The following SHD variants were observed in gnomAD, a reference collection of about 807,000 sequenced individuals.
SHD encodes SH2 domain-containing adapter protein D.
A neutral mutation model predicts 31.2 loss-of-function variants in SHD; 29 were observed. The observed-to-expected ratio is 0.93, with a 90% CI of 0.69 to 1.27. The LOEUF (loss-of-function observed/expected upper bound fraction) is 1.27, where lower values mean the gene tolerates loss of function less well. Ranked by LOEUF, SHD falls within the 50% of genes most tolerant of loss-of-function variation. The pLI is 0.00. For synonymous variants in SHD, 208 were observed against 187.8 expected, an observed-to-expected ratio of 1.11 and a Z score of -0.88; for missense variants, 520 against 453.8, an observed-to-expected ratio of 1.15 and a Z score of -1.33.
chr19:4,286,967 T>A (rs549475167), intron 4 of SHD, among the ~76,000 whole-genome samples: 2 of 151,266 alleles, frequency 1.3e-5, no homozygotes, highest in East Asian at 3.9e-4. Context: ...AAGCAGCGGA[T>A]AACCTGAGGT....
At chr19:4,287,884 GTGTTTTTTTGTT>G (rs975080027) in intron 4 of SHD, among the ~76,000 whole-genome samples, 1 of 129,128 alleles carries the variant, frequency 7.7e-6, no homozygotes, top group African/African-American at 3.3e-5. Context: ...ATCCCAGAGT[GTGTTTTTTTGTT>G]TGTTTGTTTG....
chr19:4,286,261 C>CTT (rs1971313931), intron 4 of SHD, among the ~76,000 whole-genome samples: 1 of 99,166 alleles, frequency 1.0e-5, no homozygotes, highest in Non-Finnish European at 2.3e-5. Flanking sequence ...CTTTCTTTCT[C>CTT]TCTTTCTTTC....
intron 1 of SHD, 49 bp downstream of exon 1, chr19:4,280,409 A>G (rs1263463404): frequency 6.6e-7 from 1 of 1,508,602 alleles, no homozygotes; most frequent in East Asian, 2.5e-5. Context: ...GAGGCTCAGG[A>G]TGGGCTCTCT....
intron 5 of SHD, among the ~76,000 whole-genome samples, chr19:4,289,196 T>C (rs1337403978): frequency 1.6e-4 from 23 of 141,264 alleles, no homozygotes; most frequent in African/African-American, 5.3e-4. Context: ...CTGCAAGCTC[T>C]GCCTCCCGGG....
intron 4 of SHD, among the ~76,000 whole-genome samples, chr19:4,287,986 C>T (rs1971337982): frequency 6.6e-6 from 1 of 151,818 alleles, no homozygotes; most frequent in Non-Finnish European, 1.5e-5. Flanking sequence ...CTCACAACTT[C>T]CACCTCCCTG....
chr19:4,288,096 G>A, intron 4 of SHD, 147 bp from the exon 5 acceptor site: 2 of 859,654 alleles, frequency 2.3e-6, no homozygotes, highest in South Asian at 2.5e-5. Flanking sequence ...GTAGAAACGG[G>A]GTTTCACCAT....
Position 4,284,785 on chromosome 19 carries a change from G to GT in SHD, c.600dup (p.Asp201Ter), listed in dbSNP as rs758363050. On this transcript the variant is annotated frameshift_variant, in exon 4 of 6. Transcript: ENST00000543264. LOFTEE classifies it high-confidence loss of function. ...CTCTCTAAATCTCCTTTCCAGTGCA[G>GT]TTTGACAGTCCAGAGTGGGAGAGGA... 1.9e-6 allele frequency: 3 copies of GT among 1,602,012 alleles called. No homozygotes were observed. Among genetic ancestry groups the GT allele is most frequent in the Middle Eastern group, 1.7e-4 (1 of 6,000 alleles).
chr19:4,280,473 G>A, intron 1 of SHD, 113 bp downstream of exon 1: 2 of 1,194,462 alleles, frequency 1.7e-6, no homozygotes, highest in Non-Finnish European at 2.3e-6. Context: ...TGGGGCACCA[G>A]ACAGACCCTT....
rs745597869 is a variant in SHD at position 4,290,610 on chromosome 19, C to A, written c.1000C>A (p.Pro334Thr). ...QGAEHLALLY[P>T]VVTQTP ...TGCCGAGCATCTGGCTCTGCTGTAC[C>A]CCGTGGTCACGCAGACCCCCTGACA... is the stretch of plus-strand genomic sequence containing the variant. Residue 334 changes from proline (P) to threonine (T), a missense_variant, in exon 6 of 6, where the codon CCC becomes ACC. Coordinates refer to ENST00000543264, the MANE Select transcript of SHD (RefSeq NM_020209.4). The A allele has an allele frequency of 3.1e-6, 5 of 1,610,786 alleles. No homozygotes were observed. The highest frequency in any genetic ancestry group is 4.2e-6 in the Non-Finnish European group (5 of 1,178,192).
At position 4,280,216 on chromosome 19, in the gene SHD, C is replaced by A; in HGVS notation, c.153C>A (p.Ser51Arg). Reference sequence around the variant, plus strand: ...AGGACCCCTATGAGGACGCGGAGAGCCGCTTGGAGCCGGACCCCGCGGGCC... The same window carrying A: ...AGGACCCCTATGAGGACGCGGAGAGACGCTTGGAGCCGGACCCCGCGGGCC... ...DFEDPYEDAE[S>R]RLEPDPAGPG... The change falls in exon 1 of 6, where the codon AGC (serine) becomes AGA (arginine). Residue 51 changes from serine (S) to arginine (R), a missense_variant. Physicochemically the swap from Ser to Arg is moderately radical, Grantham distance 110. Transcript: ENST00000543264. 2 of 1,613,918 alleles carry A rather than the reference C, an allele frequency of 1.2e-6. No homozygotes were observed. Among genetic ancestry groups the A allele is most frequent in the Non-Finnish European group, 1.7e-6 (2 of 1,180,018 alleles).
At position 4,280,250 on chromosome 19, in the gene SHD, T is replaced by C; in HGVS notation, c.187T>C (p.Ser63Pro). 1 of 1,613,656 alleles carries C rather than the reference T, an allele frequency of 6.2e-7. No homozygotes were observed. The highest frequency in any genetic ancestry group is 8.5e-7 in the Non-Finnish European group (1 of 1,179,954). Residue 63 changes from serine (S) to proline (P), a missense_variant, in exon 1 of 6, where the codon TCC (serine) becomes CCC (proline). By Grantham distance (74) the Ser-to-Pro change is moderately conservative (BLOSUM62 -1). Transcript: ENST00000543264. ...LEPDPAGPGD[S>P]KNPGDAKYGS... is the part of the protein sequence containing the mutation. ...GCCGGACCCCGCGGGCCCTGGGGAC[T>C]CCAAGAACCCCGGAGATGCCAAGTA...
rs533174979 is a variant in SHD at position 4,280,034 on chromosome 19, A to C, written c.-30A>C. ...AAGGGCATGTGGGGGCCCCTCTGAC[A>C]GTGGCCCGATTGGGGTGACAGGCGC... is the stretch of plus-strand genomic sequence containing the variant. On this transcript the variant is annotated 5_prime_UTR_variant, in exon 1 of 6. Transcript: ENST00000543264. The C allele has an allele frequency of 9.0e-6, 14 of 1,562,406 alleles. No individual in the cohort carries two copies. In the African/African-American group the frequency reaches 1.2e-4, roughly 14 times the overall value.
intron 5 of SHD, among the ~76,000 whole-genome samples, chr19:4,289,321 C>T (rs1253402275): frequency 2.7e-5 from 4 of 150,608 alleles, no homozygotes; most frequent in Non-Finnish European, 5.9e-5. Flanking sequence ...CTGTGTTAGC[C>T]AGGATGGTCT....
chr19:4,285,112 T>C (rs1050486630), intron 4 of SHD, among the ~76,000 whole-genome samples: 5 of 152,120 alleles, frequency 3.3e-5, no homozygotes, highest in Non-Finnish European at 7.4e-5. Context: ...TCTTATGGGG[T>C]CCCTTTTCCT....
Position 4,279,881 on chromosome 19 carries a change from T to C in SHD, c.-183T>C, listed in dbSNP as rs1971238325. On this transcript the variant is annotated 5_prime_UTR_variant, in exon 1 of 6. Transcript: ENST00000543264. The surrounding 1 kb of genome is among the most constrained non-coding windows in gnomAD (Gnocchi z 7.5). ...CTCTGTCGCCTCCTTTTCCTCCCCC[T>C]CGTTCACCTTTTCCTTCCCTCTATC... 4.3e-6 allele frequency: 3 copies of C among 691,920 alleles called. No individual in the cohort carries two copies. The highest frequency in any genetic ancestry group is 3.6e-5 in the African/African-American group (2 of 55,242). The allele number at this position is 691,920 out of a possible 1,614,324, so 42.9% of individuals were successfully genotyped here. A position where few individuals can be genotyped will look rare whatever the true frequency, so the allele number is the denominator to read the frequency against.
Position 4,283,220 on chromosome 19 carries a change from C to A in SHD, c.570C>A (p.Asp190Glu). 2 of 1,613,654 alleles carry A rather than the reference C, an allele frequency of 1.2e-6. No individual in the cohort carries two copies. The highest frequency in any genetic ancestry group is 1.7e-6 in the Non-Finnish European group (2 of 1,179,602). The change falls in exon 3 of 6, where the codon GAC becomes GAA. Residue 190 changes from aspartate (D) to glutamate (E), a missense_variant. Physicochemically the swap from Asp to Glu is conservative, Grantham distance 45. Transcript: ENST00000543264. ...ATCAGCCCTGGGAGTGGAAGAAAGA[C>A]CACATCTCCAGGGCGTTTGCAGGTG... ...EYDQPWEWKK[D>E]HISRAFAVQF...
chr19:4,283,830 G>C (rs1971281755), intron 3 of SHD, among the ~76,000 whole-genome samples: 1 of 150,642 alleles, frequency 6.6e-6, no homozygotes, highest in East Asian at 2.0e-4. Context: ...CACCCGCCTC[G>C]GCCTCCCAAA....
Position 4,287,791 on chromosome 19 carries a change from A to G in SHD, c.717-452A>G, listed in dbSNP as rs561166032. 7.2e-5 allele frequency among the ~76,000 whole-genome samples: 11 copies of G among 152,156 alleles called. No homozygotes were observed. The South Asian group carries it at 1.9e-3, about 26-fold the overall frequency. ...AGAGCAAGACTCTGTCTCAAAAAAA[A>G]AGAAAAAAGAAAACTCCAAGGGAAT... On this transcript the variant is annotated intron_variant, in intron 4 of 5. Transcript: ENST00000543264.
intron 3 of SHD, among the ~76,000 whole-genome samples, chr19:4,283,581 T>G (rs1001028938): frequency 1.3e-5 from 2 of 151,356 alleles, no homozygotes; most frequent in African/African-American, 2.4e-5. Context: ...ATTTTATTTT[T>G]CTTTCGTTTT....
Sources: allele counts gnomAD v4.1 joint callset (sites outside exome capture counted in the v4.1 genomes callset), GRCh38; gene constraint gnomAD v4.1.1; non-coding constraint Gnocchi (gnomAD v3.1); transcripts MANE v1.5; gene names NCBI Gene and HGNC (gene_info 2026-07-23, HGNC 2026-07-21).